Variants in SPTBN5 observed in about 807,000 individuals in gnomAD.
SPTBN5 encodes spectrin beta, non-erythrocytic 5.
Under a neutral mutation model 477.6 loss-of-function variants are expected in SPTBN5, and 513 were observed. The ratio of observed to expected loss-of-function variants is 1.07; its 90% CI spans 1.00 to 1.16. The LOEUF is 1.16. SPTBN5 is among the 50% of genes most tolerant of loss of function. The pLI, the probability that SPTBN5 is intolerant of heterozygous loss-of-function variation, is 0.00. For synonymous variants in SPTBN5, 2,169 were observed against 2,011.7 expected (o/e 1.08, Z -2.09); for missense variants, 5,062 against 4,731.8 (o/e 1.07, Z -2.05).
At position 41,887,412 on chromosome 15, in the gene SPTBN5, C is replaced by G; in HGVS notation, c.689G>C (p.Arg230Pro). The G allele has an allele frequency of 6.4e-7, 1 of 1,553,136 alleles. No individual in the cohort carries two copies. The highest frequency in any genetic ancestry group is 8.7e-7 in the Non-Finnish European group (1 of 1,148,408). ...AAGGTTGTGCAGTGGGCGGTCTGGA[C>G]GCAGGGAGCCGTAGTCCAACAGGTC... ...RPDLLDYGSL[R>P]PDRPLHNLAF... The change falls in exon 6 of 68, where the codon CGT becomes CCT. Residue 230 changes from arginine to proline, a missense_variant. Arg to Pro is a moderately radical substitution (Grantham distance 103). Coordinates refer to ENST00000320955, the MANE Select transcript of SPTBN5 (RefSeq NM_016642.4).
At position 41,882,081 on chromosome 15, in the gene SPTBN5, G is replaced by A; in HGVS notation, c.2312C>T (p.Ala771Val). ...GGCCGCCTGGTCCTGACCGCAGGAC[G>A]CTCTCTCCAGCGAGGATCGCCGCTC... ...LRERRSSLER[A>V]SCGQDQAAAE... The change falls in exon 12 of 68, where the codon GCG becomes GTG. Residue 771 changes from alanine to valine, a missense_variant. Coordinates refer to ENST00000320955, the MANE Select transcript of SPTBN5 (RefSeq NM_016642.4). The A allele has an allele frequency of 6.4e-7, 1 of 1,571,280 alleles. No homozygotes were observed.
In SPTBN5 at chr15:41,855,174, T is replaced by C; in HGVS notation, c.9423+50A>G. On this transcript the variant is annotated intron_variant, in intron 55 of 67. Transcript: ENST00000320955. Reference sequence around the variant, plus strand: ...CAACCCTTTCATCCCAGGGCAGGCCTTCCTCAGCCTCTGCCCACTCCCCGT... The same window carrying C: ...CAACCCTTTCATCCCAGGGCAGGCCCTCCTCAGCCTCTGCCCACTCCCCGT... 2.6e-6 allele frequency: 4 copies of C among 1,560,886 alleles called. No individual in the cohort carries two copies. The South Asian group carries it at 4.7e-5, about 18-fold the overall frequency.
chr15:41,882,236 C>G, intron 11 of SPTBN5, 33 bp downstream of exon 11: 1 of 1,239,378 alleles, frequency 8.1e-7, no homozygotes, highest in Non-Finnish European at 1.1e-6. Context: ...CGCCGGGCCC[C>G]GCCCCCACCC....
chr15:41,850,637 A>G (rs534105184), intron 66 of SPTBN5: 4 of 570,682 alleles, frequency 7.0e-6, no homozygotes, highest in African/African-American at 1.9e-5. Flanking sequence ...GGGGTTCAAA[A>G]CTGGCCCCAT....
In SPTBN5 at chr15:41,885,624, TA is replaced by T. The variant is rs1304948257; in HGVS notation, c.1520+110del. ...CTTTGTAGAGGGATCCCTGAACCCATAAATCATCCCTCTCCTCTCTGGCAAA... is the reference window on the plus strand; with the variant it reads ...CTTTGTAGAGGGATCCCTGAACCCATAATCATCCCTCTCCTCTCTGGCAAA... On this transcript the variant is annotated intron_variant, in intron 7 of 67. Transcript: ENST00000320955. 11 of 1,335,402 alleles carry T rather than the reference TA, an allele frequency of 8.2e-6. No homozygotes were observed. The East Asian group carries it at 1.5e-4, about 19-fold the overall frequency. The allele number at this position is 1,335,402 out of a possible 1,614,324, so 82.7% of individuals were successfully genotyped here.
chr15:41,862,107 G>C (rs532619894), intron 44 of SPTBN5, 23 bp downstream of exon 44: 2 of 1,533,958 alleles, frequency 1.3e-6, no homozygotes, highest in South Asian at 2.5e-5. Context: ...CCTGGGAAAG[G>C]CTTGGGCCAG....
intron 13 of SPTBN5, among the ~76,000 whole-genome samples, 164 bp from the exon 14 acceptor site, chr15:41,880,476 G>A (rs2140957867): frequency 6.6e-6 from 1 of 152,316 alleles, no homozygotes; most frequent in South Asian, 2.1e-4. Flanking sequence ...TCCTCTCTCA[G>A]AGCCCTCTTG....
At position 41,851,999 on chromosome 15, in the gene SPTBN5, C is replaced by T. The variant is rs554695730; in HGVS notation, c.10585-149G>A. ...CTTAGCTTCTAAGATCAGATGAGAT[C>T]GGGCATGTTCAGGGTGGTATGGCTG... On this transcript the variant is annotated intron_variant, in intron 62 of 67. Transcript: ENST00000320955. 2.3e-5 allele frequency: 21 copies of T among 909,038 alleles called. No individual in the cohort carries two copies. In the South Asian group the frequency reaches 3.2e-4, roughly 14 times the overall value. 56.3% of individuals were successfully genotyped at this position (909,038 alleles called of 1,614,324 possible).
intron 55 of SPTBN5, 116 bp downstream of exon 55, chr15:41,855,108 C>G (rs2065894024): frequency 7.0e-7 from 1 of 1,435,518 alleles, no homozygotes; most frequent in African/African-American, 1.4e-5. Flanking sequence ...GGGATCCTCC[C>G]TAGGACACCC....
Position 41,856,369 on chromosome 15 carries a change from C to A in SPTBN5, c.9021+17G>T, listed in dbSNP as rs757007191. 3 of 1,549,514 alleles carry A rather than the reference C, an allele frequency of 1.9e-6. No homozygotes were observed. The highest frequency in any genetic ancestry group is 2.4e-5 in the South Asian group (2 of 82,524). ...TTCCAGGCTTGCCTGCTGTGCCCTG[C>A]CCATCACTCCCCTCACCTCAGTCAG... On this transcript the variant is annotated intron_variant, in intron 53 of 67. Transcript: ENST00000320955.
rs966210263 is a variant in SPTBN5 at position 41,893,485 on chromosome 15, G to T, written c.13C>A (p.Pro5Thr). The change falls in exon 2 of 68, where the codon CCC becomes ACC. Residue 5 changes from proline (P) to threonine (T), a missense_variant. Physicochemically the swap from Pro to Thr is conservative, Grantham distance 38 (BLOSUM62 -1). Transcript: ENST00000320955. ...CCGAGGAGCTCCCGGGGACTGTGGG[G>T]CTGACCAGCCATCAGCCCTGCAGAC... Reference protein sequence around the residue: MAGQPHSPRELLGAA... With the variant: MAGQTHSPRELLGAA... The T allele has an allele frequency of 1.9e-6, 3 of 1,585,706 alleles. No homozygotes were observed. In the South Asian group the frequency reaches 3.4e-5, roughly 18 times the overall value.
Position 41,863,963 on chromosome 15 carries a change from C to G in SPTBN5, c.6980G>C (p.Arg2327Pro). The change falls in exon 40 of 68, where the codon CGG becomes CCG. Residue 2327 changes from arginine to proline, a missense_variant. Arg to Pro is a moderately radical substitution (Grantham distance 103). Transcript: ENST00000320955. ...ISDLSLQLKN[R>P]DPEEVKIICQ... ...GATGATCTTGACTTCCTCAGGGTCC[C>G]GGTTCTTGAGCTGCAGTGACAAGTC... 6.2e-7 allele frequency: 1 copy of G among 1,613,838 alleles called. No homozygotes were observed. The highest frequency in any genetic ancestry group is 8.5e-7 in the Non-Finnish European group (1 of 1,179,888).
intron 66 of SPTBN5, chr15:41,850,380 C>T (rs2065713617): frequency 4.2e-6 from 1 of 240,750 alleles, no homozygotes; most frequent in Non-Finnish European, 8.2e-6. Context: ...GAAGAAAGTC[C>T]AAAGGGTTGT....
At position 41,855,299 on chromosome 15, in the gene SPTBN5, G is replaced by T. The variant is rs1194886252; in HGVS notation, c.9348C>A (p.Leu3116=). 6.2e-6 allele frequency: 10 copies of T among 1,611,676 alleles called. No homozygotes were observed. Among genetic ancestry groups the T allele is most frequent in the Non-Finnish European group, 7.6e-6 (9 of 1,179,802 alleles). ...QLHQLERETL[L]LDAWLTTKAA... ...CCTTGGTGGTCAGCCAGGCGTCGAG[G>T]AGCAGGGTCTCTCGCTCCAGCTGGT... Residue 3116 remains leucine (L), a synonymous_variant, in exon 55 of 68, where the codon CTC becomes CTA. Transcript: ENST00000320955.
chr15:41,853,065 C>G, intron 59 of SPTBN5, 65 bp from the exon 60 acceptor site: 1 of 1,455,230 alleles, frequency 6.9e-7, no homozygotes, highest in Non-Finnish European at 9.1e-7. Context: ...CAGGGCAGGG[C>G]TGGAGAGCCA....
chr15:41,865,957 G>A, intron 38 of SPTBN5, 54 bp from the exon 39 acceptor site: 1 of 1,545,522 alleles, frequency 6.5e-7, no homozygotes, highest in Non-Finnish European at 8.8e-7. Flanking sequence ...CCAGGCTCCT[G>A]GCACCTGCTG....
Position 41,852,222 on chromosome 15 carries a change from T to C in SPTBN5, c.10544A>G (p.Gln3515Arg). 6.2e-7 allele frequency: 1 copy of C among 1,608,740 alleles called. No homozygotes were observed. Among genetic ancestry groups the C allele is most frequent in the Non-Finnish European group, 8.5e-7 (1 of 1,176,798 alleles). ...CTCAGCCAGCTGTGCTCCTAGCCCC[T>C]GGTGTCCAGAGGGCCTCCACTGAAA... ...TSFQWRPSGH[Q>R]GLGAQLAETR... The change falls in exon 62 of 68, where the codon CAG becomes CGG. Residue 3515 changes from glutamine to arginine, a missense_variant. Physicochemically the swap from Gln to Arg is conservative, Grantham distance 43 (BLOSUM62 1). Coordinates refer to ENST00000320955, the MANE Select transcript of SPTBN5 (RefSeq NM_016642.4).
chr15:41,849,649 C>T (rs2065682379), intron 67 of SPTBN5, among the ~76,000 whole-genome samples: 2 of 152,152 alleles, frequency 1.3e-5, no homozygotes, highest in South Asian at 4.1e-4. Context: ...GGAGTGAGCC[C>T]TGGGAGGGGA....
chr15:41,867,479 T>G, intron 35 of SPTBN5, 59 bp downstream of exon 35: 1 of 1,525,404 alleles, frequency 6.6e-7, no homozygotes, highest in Non-Finnish European at 9.1e-7. Context: ...GTGACCCCCT[T>G]CAGGACTCTC....
Sources: gnomAD v4.1 joint callset for allele counts (sites outside exome capture counted in the v4.1 genomes callset) on GRCh38, gnomAD v4.1.1 for gene constraint, MANE v1.5 for transcripts, NCBI Gene and HGNC (gene_info 2026-07-23, HGNC 2026-07-21) for gene names.